PCDHGB7: variants seen among roughly 807,000 people sequenced by gnomAD.
PCDHGB7 encodes protocadherin gamma subfamily B, 7.
A neutral mutation model predicts 61.4 loss-of-function variants in PCDHGB7; 37 were observed. That is an observed-to-expected ratio of 0.60 (90% CI 0.46 to 0.79). PCDHGB7 has a LOEUF of 0.79. Ranked by LOEUF, PCDHGB7 falls within the 30% of genes least tolerant of loss-of-function variation. The pLI is 0.00. For synonymous variants in PCDHGB7, 464 were observed against 503.5 expected (o/e 0.92, Z 1.05); for missense variants, 1,166 against 1,202.5 (o/e 0.97, Z 0.45).
rs377138746 is a variant in PCDHGB7 at position 141,432,481 on chromosome 5, C to T, written c.2415+12207C>T. ...CCCTCCCCACGGACGGTTCCACTGG[C>T]GTGGAGCTGGCTCCCCGCTCCGCAG... On this transcript the variant is annotated intron_variant, in intron 1 of 3. Transcript: ENST00000398594. This position sits in a 1 kb window ranked among gnomAD's most constrained non-coding sequence, Gnocchi z 6.0. The T allele has an allele frequency of 1.1e-5, 17 of 1,614,198 alleles. No individual in the cohort carries two copies. The African/African-American group carries it at 1.7e-4, about 16-fold the overall frequency.
At chr5:141,508,017 G>C (rs2099865601) in intron 3 of PCDHGB7, 1 of 152,310 alleles carries the variant, frequency 6.6e-6, no homozygotes, top group Non-Finnish European at 1.5e-5. Context: ...TCTCAAGGAG[G>C]CTGCGGTTTG....
intron 3 of PCDHGB7, among the ~76,000 whole-genome samples, chr5:141,510,208 G>A (rs560746333): frequency 2.0e-5 from 3 of 151,866 alleles, no homozygotes; most frequent in Admixed American, 1.3e-4. Context: ...AGGAGGCAGA[G>A]GTTGCAGTGA....
intron 1 of PCDHGB7, among the ~76,000 whole-genome samples, chr5:141,450,894 G>C (rs919860611): frequency 6.7e-6 from 1 of 148,956 alleles, no homozygotes; most frequent in Admixed American, 6.7e-5. Context: ...GTGCGATATC[G>C]GCTCACTGCA....
rs143278253 is a variant in PCDHGB7 at position 141,476,491 on chromosome 5, C to T, written c.2416-18316C>T. 9.5e-5 allele frequency: 153 copies of T among 1,613,894 alleles called. No individual in the cohort carries two copies. The highest frequency in any genetic ancestry group is 5.4e-5 in the Non-Finnish European group (64 of 1,180,020). On this transcript the variant is annotated intron_variant, in intron 1 of 3. Transcript: ENST00000398594. This position sits in a 1 kb window ranked among gnomAD's most constrained non-coding sequence, Gnocchi z 7.6. ...AGCTGTTCAGCGTGGAAGTGGTGAT[C>T]CAGGACATCAACGACAACAATCCTG... is the stretch of plus-strand genomic sequence containing the variant.
intron 1 of PCDHGB7, among the ~76,000 whole-genome samples, chr5:141,434,451 A>C (rs145324240): frequency 6.6e-6 from 1 of 152,210 alleles, no homozygotes; most frequent in Non-Finnish European, 1.5e-5. Context: ...GCTGGAAGGT[A>C]GTGGGTTTAC....
At chr5:141,427,938 G>A in intron 1 of PCDHGB7, 1 of 1,584,968 alleles carries the variant, frequency 6.3e-7, no homozygotes, top group South Asian at 1.1e-5. Context: ...GTTGGTGGGC[G>A]ACCTCAATGA....
Position 141,505,424 on chromosome 5 carries a change from C to T in PCDHGB7, c.2506C>T (p.Pro836Ser), listed in dbSNP as rs1422538114. The T allele has an allele frequency of 1.2e-6, 2 of 1,614,200 alleles. No individual in the cohort carries two copies. Among genetic ancestry groups the T allele is most frequent in the Non-Finnish European group, 1.7e-6 (2 of 1,180,028 alleles). Residue 836 changes from proline (P) to serine (S), a missense_variant, in exon 3 of 4, where the codon CCC (proline) becomes TCC (serine). Pro to Ser is a moderately conservative substitution (Grantham distance 74). Transcript: ENST00000398594. ...AAATGGCGATGACACCGGCACCTGG[C>T]CCAACAACCAGTTTGACACAGAGAT... is the stretch of plus-strand genomic sequence containing the variant. ...SQNGDDTGTW[P>S]NNQFDTEMLQ...
chr5:141,481,619 A>T (rs1303171847), intron 1 of PCDHGB7, among the ~76,000 whole-genome samples: 1 of 152,128 alleles, frequency 6.6e-6, no homozygotes, highest in Non-Finnish European at 1.5e-5. Flanking sequence ...GGAGTTCAAG[A>T]CCGGCCTGGC....
intron 1 of PCDHGB7, chr5:141,423,760 G>A: frequency 1.1e-5 from 3 of 279,660 alleles, no homozygotes; most frequent in Non-Finnish European, 1.1e-5. Flanking sequence ...TGGGGGGGGG[G>A]TGGGGCGGCA....
chr5:141,439,568 A>G (rs2098121048), intron 1 of PCDHGB7, among the ~76,000 whole-genome samples: 1 of 152,208 alleles, frequency 6.6e-6, no homozygotes, highest in Non-Finnish European at 1.5e-5. Context: ...GTTCTAGAGT[A>G]GGGACTCAGA....
At chr5:141,442,848 T>C (rs1210778801) in intron 1 of PCDHGB7, among the ~76,000 whole-genome samples, 2 of 152,236 alleles carry the variant, frequency 1.3e-5, no homozygotes, top group Non-Finnish European at 2.9e-5. Context: ...ATCTTGGCCA[T>C]TGTAGTATGA....
chr5:141,420,044 T>C lies in PCDHGB7; in HGVS notation c.2185T>C (p.Ser729Pro), dbSNP rs769790599. 1.7e-5 allele frequency: 27 copies of C among 1,613,934 alleles called. No individual in the cohort carries two copies. In the East Asian group the frequency reaches 6.0e-4, roughly 36 times the overall value. Residue 729 changes from serine (S) to proline (P), a missense_variant, in exon 1 of 4, where the codon TCA (serine) becomes CCA (proline). By Grantham distance (74) the Ser-to-Pro change is moderately conservative (BLOSUM62 -1). Coordinates refer to ENST00000398594, the MANE Select transcript of PCDHGB7 (RefSeq NM_018927.4). ...CCCTACTGCAGGAGACTGCTTTGAG[T>C]CAGTTCTCTGCTCCAAGTCCGGACC... Reference protein sequence around the residue: ...FSPTAGDCFESVLCSKSGPVG... With the variant: ...FSPTAGDCFEPVLCSKSGPVG...
Position 141,485,175 on chromosome 5 carries a change from T to C in PCDHGB7, c.2416-9632T>C, listed in dbSNP as rs2099608731. ...GTAGAGAATTAGCGGGCGGCAGCAA[T>C]GCTCCGCAAGGTGAGAAGCTGGACA... On this transcript the variant is annotated intron_variant, in intron 1 of 3. Coordinates refer to ENST00000398594, the MANE Select transcript of PCDHGB7 (RefSeq NM_018927.4). The surrounding 1 kb of genome is among the most constrained non-coding windows in gnomAD (Gnocchi z 5.7). 6.2e-7 allele frequency: 1 copy of C among 1,611,486 alleles called. No homozygotes were observed. Among genetic ancestry groups the C allele is most frequent in the Non-Finnish European group, 8.5e-7 (1 of 1,177,998 alleles).
intron 1 of PCDHGB7, among the ~76,000 whole-genome samples, chr5:141,463,438 CTTTTT>C (rs71576115): frequency 7.7e-5 from 8 of 103,256 alleles, no homozygotes; most frequent in African/African-American, 2.7e-4. Flanking sequence ...TTTCCTTCTC[CTTTTT>C]TTTTTTTTTT....
At chr5:141,433,195 T>C (rs765385329) in intron 1 of PCDHGB7, 8 of 1,582,476 alleles carry the variant, frequency 5.1e-6, no homozygotes, top group Non-Finnish European at 6.9e-6. Flanking sequence ...TGAGTTTATA[T>C]CAAATCTTCT....
intron 1 of PCDHGB7, among the ~76,000 whole-genome samples, chr5:141,450,485 TTGTC>T (rs1466269978): frequency 1.3e-5 from 2 of 152,158 alleles, no homozygotes; most frequent in African/African-American, 2.4e-5. Flanking sequence ...GTTTGTTTGT[TTGTC>T]TGTTTGTTTG....
intron 1 of PCDHGB7, among the ~76,000 whole-genome samples, chr5:141,439,168 G>C (rs2098092980): frequency 6.6e-6 from 1 of 150,792 alleles, no homozygotes; most frequent in Non-Finnish European, 1.5e-5. Context: ...ACTCCAGCCT[G>C]GGCGACATAG....
intron 1 of PCDHGB7, among the ~76,000 whole-genome samples, chr5:141,471,883 C>T (rs951573411): frequency 6.6e-6 from 1 of 152,084 alleles, no homozygotes; most frequent in Non-Finnish European, 1.5e-5. Flanking sequence ...GAGGCTGAAG[C>T]TAGGAAGATT....
intron 2 of PCDHGB7, among the ~76,000 whole-genome samples, chr5:141,499,575 T>TCCCTA (rs2099792820): frequency 1.3e-5 from 2 of 152,202 alleles, no homozygotes; most frequent in Non-Finnish European, 2.9e-5. Context: ...CTTCAACTAA[T>TCCCTA]GCCTTATCTT....
Sources: gnomAD v4.1 joint callset for allele counts (sites outside exome capture counted in the v4.1 genomes callset) on GRCh38, gnomAD v4.1.1 for gene constraint, Gnocchi (gnomAD v3.1) non-coding constraint, MANE v1.5 for transcripts, NCBI Gene and HGNC (gene_info 2026-07-23, HGNC 2026-07-21) for gene names.